The following TG variants were observed in gnomAD, a reference collection of about 807,000 sequenced individuals.
The protein encoded by TG is thyroid hormones.
In TG, 270 loss-of-function variants were observed where a neutral mutation model predicts 324.7. The ratio of observed to expected loss-of-function variants is 0.83; its 90% CI spans 0.75 to 0.92. The LOEUF is 0.92. Among genes scored for constraint, TG ranks in the 40% least tolerant of loss-of-function variants. The probability of loss-of-function intolerance (pLI) is 0.00; values close to 1 mark genes in which losing one functional copy is unlikely to be tolerated. For synonymous variants in TG, 1,401 were observed against 1,327.0 expected, an observed-to-expected ratio of 1.06 and a Z score of -1.21; for missense variants, 3,591 against 3,456.4, an observed-to-expected ratio of 1.04 and a Z score of -0.98.
chr8:132,894,943 G>A (rs1816888373), intron 11 of TG, among the ~76,000 whole-genome samples: 1 of 152,206 alleles, frequency 6.6e-6, no homozygotes, highest in Non-Finnish European at 1.5e-5. Context: ...TCACACAAGT[G>A]ATAACCAGTG....
intron 41 of TG, among the ~76,000 whole-genome samples, chr8:133,060,994 G>C (rs918238871): frequency 6.6e-6 from 1 of 151,198 alleles, no homozygotes; most frequent in South Asian, 2.1e-4. Flanking sequence ...AGATGACTTC[G>C]GGCAAGTCAT....
chr8:133,043,826 G>A (rs893048734), intron 41 of TG, among the ~76,000 whole-genome samples: 3 of 152,362 alleles, frequency 2.0e-5, no homozygotes, highest in East Asian at 3.9e-4. Context: ...TTGCCCCAGT[G>A]TGTGAGGTCA....
intron 35 of TG, 69 bp downstream of exon 35, chr8:132,983,481 C>T: frequency 6.7e-7 from 1 of 1,496,320 alleles, no homozygotes; most frequent in African/African-American, 1.4e-5. Context: ...TCCTCTTCCC[C>T]CTTGCTTTTG....
chr8:133,055,341 T>C (rs1841177331), intron 41 of TG, among the ~76,000 whole-genome samples: 1 of 149,646 alleles, frequency 6.7e-6, no homozygotes. Context: ...CAGTGTCATC[T>C]TCAGGACACA....
chr8:132,893,143 ATT>A (rs1480287506), intron 10 of TG, among the ~76,000 whole-genome samples: 3 of 79,190 alleles, frequency 3.8e-5, no homozygotes, highest in African/African-American at 5.1e-5. Flanking sequence ...TGTGGTGTGT[ATT>A]TGTGTGTATG....
intron 27 of TG, among the ~76,000 whole-genome samples, chr8:132,950,098 T>C (rs529253554): frequency 2.0e-5 from 3 of 152,374 alleles, no homozygotes; most frequent in Admixed American, 6.5e-5. Context: ...TATGTAGCAC[T>C]GATGGCTTGA....
At chr8:132,945,040 A>G (rs1367769921) in intron 26 of TG, among the ~76,000 whole-genome samples, 1 of 152,226 alleles carries the variant, frequency 6.6e-6, no homozygotes, top group Non-Finnish European at 1.5e-5. Context: ...TGTAGGCGGC[A>G]TGAATAGTTG....
intron 45 of TG, among the ~76,000 whole-genome samples, chr8:133,125,912 G>A (rs1417626860): frequency 1.3e-5 from 2 of 152,168 alleles, no homozygotes; most frequent in Non-Finnish European, 2.9e-5. Flanking sequence ...AGATTTTATA[G>A]AAAATATATA....
intron 41 of TG, chr8:133,040,180 C>T: frequency 6.4e-7 from 1 of 1,553,912 alleles, no homozygotes; most frequent in Non-Finnish European, 8.7e-7. Context: ...ACGCCTCAGC[C>T]AGTGTGGGGT....
chr8:132,883,024 C>T (rs570666373), intron 8 of TG, 25 bp downstream of exon 8: 5 of 1,609,716 alleles, frequency 3.1e-6, no homozygotes, highest in Non-Finnish European at 4.2e-6. Context: ...GGGGCTTCCT[C>T]TTTCGGCCTC....
In TG at chr8:133,009,710, A is replaced by G. The variant is rs568630106; in HGVS notation, c.6263-2191A>G. 1.9e-3 allele frequency among the ~76,000 whole-genome samples: 294 copies of G among 152,062 alleles called. 1 individual carries two copies. The highest frequency in any genetic ancestry group is 6.8e-3 in the African/African-American group (282 of 41,458). On this transcript the variant is annotated intron_variant, in intron 35 of 47. Coordinates refer to ENST00000220616, the MANE Select transcript of TG (RefSeq NM_003235.5). ...TCGGTGCCCTTCTAAAAGAGGCAAC[A>G]GAGGGCTCGCTTGGTCTTTCTGCTC...
At chr8:133,091,286 C>T (rs1194412683) in intron 41 of TG, among the ~76,000 whole-genome samples, 1 of 152,218 alleles carries the variant, frequency 6.6e-6, no homozygotes, top group Non-Finnish European at 1.5e-5. Context: ...GGCTTCCCAT[C>T]CTTCCCCTCT....
rs80160085 is a variant in TG, at chr8:133,019,637, C to A, written c.6818C>A (p.Thr2273Lys). ...SCWQPGTRTS[T>K]SPGVSEDCLY... is the part of the protein sequence containing the mutation. ...TGGCAGCCAGGCACCAGAACATCCA[C>A]GTCTCCTGGAGTCAGTGAAGATTGT... Residue 2273 changes from threonine (T) to lysine (K), a missense_variant, in exon 39 of 48, where the codon ACG becomes AAG. Physicochemically the swap from Thr to Lys is moderately conservative, Grantham distance 78. Transcript: ENST00000220616. 4.3e-6 allele frequency: 7 copies of A among 1,613,728 alleles called. No homozygotes were observed. Among genetic ancestry groups the A allele is most frequent in the Non-Finnish European group, 5.9e-6 (7 of 1,179,842 alleles).
In TG at chr8:132,867,054, G is replaced by A. The variant is rs145163419; in HGVS notation, c.54G>A (p.Ser18=). Residue 18 remains serine (S), a synonymous_variant, in exon 1 of 48, where the codon TCG becomes TCA. Coordinates refer to ENST00000220616, the MANE Select transcript of TG (RefSeq NM_003235.5). ...TGCTGGCCTCCATCTGCTGGGTGTC[G>A]GCCAATATCTTCGGTAAGTTCTGAG... ...FTLLASICWV[S]ANIFEYQVDA... is the part of the protein sequence containing the mutation. The A allele has an allele frequency of 2.2e-4, 357 of 1,599,564 alleles. No individual in the cohort carries two copies. The highest frequency in any genetic ancestry group is 2.6e-4 in the Non-Finnish European group (310 of 1,171,966).
In TG at chr8:133,025,947, C is replaced by T. The variant is rs573413417; in HGVS notation, c.7036+3797C>T. On this transcript the variant is annotated intron_variant, in intron 40 of 47. Coordinates refer to ENST00000220616, the MANE Select transcript of TG (RefSeq NM_003235.5). ...CATCCCAGTGCAGGCTGCCTGTCTG[C>T]AAGCAGAAGATGCTAAGTCTTGCAG... is the stretch of plus-strand genomic sequence containing the variant. 5.3e-5 allele frequency among the ~76,000 whole-genome samples: 8 copies of T among 152,244 alleles called. No homozygotes were observed. In the South Asian group the frequency reaches 1.7e-3, roughly 32 times the overall value.
intron 28 of TG, 91 bp from the exon 29 acceptor site, chr8:132,962,903 A>G: frequency 2.4e-6 from 3 of 1,252,464 alleles, no homozygotes; most frequent in Non-Finnish European, 3.5e-6. Flanking sequence ...TTAGGGCCTG[A>G]TTTTTCTCAC....
intron 5 of TG, among the ~76,000 whole-genome samples, chr8:132,880,219 C>T (rs1307479947): frequency 6.6e-6 from 1 of 152,158 alleles, no homozygotes; most frequent in Non-Finnish European, 1.5e-5. Flanking sequence ...TAGTTCTCAC[C>T]ACTAGTTCAA....
intron 25 of TG, among the ~76,000 whole-genome samples, chr8:132,936,704 C>G (rs977311162): frequency 6.6e-6 from 1 of 152,148 alleles, no homozygotes; most frequent in South Asian, 2.1e-4. Flanking sequence ...CTGAGGTCTG[C>G]GCTCGCTCTT....
chr8:133,041,394 T>C (rs1165755785), intron 41 of TG, among the ~76,000 whole-genome samples: 1 of 152,252 alleles, frequency 6.6e-6, no homozygotes, highest in Non-Finnish European at 1.5e-5. Context: ...TTCATGGTTT[T>C]CAGTCCGACT....
Sources: allele counts gnomAD v4.1 joint callset (sites outside exome capture counted in the v4.1 genomes callset), GRCh38; gene constraint gnomAD v4.1.1; transcripts MANE v1.5; gene names NCBI Gene and HGNC (gene_info 2026-07-23, HGNC 2026-07-21).